Variants in SMAD2 observed in about 807,000 individuals in gnomAD.
The protein encoded by SMAD2 is SMAD family member 2.
A neutral mutation model predicts 64.4 loss-of-function variants in SMAD2; 8 were observed. The ratio of observed to expected loss-of-function variants is 0.12; its 90% CI spans 0.07 to 0.22. SMAD2 has a LOEUF of 0.22. SMAD2 is among the 10% of genes least tolerant of loss of function. The probability of loss-of-function intolerance (pLI) is 1.00; values close to 1 mark genes in which losing one functional copy is unlikely to be tolerated. For missense variants in SMAD2, 289 were observed against 561.2 expected (o/e 0.51, Z 4.90); for synonymous variants, 203 against 195.8 (o/e 1.04, Z -0.31).
chr18:47,893,838 C>T (rs2033317066), intron 2 of SMAD2, among the ~76,000 whole-genome samples: 1 of 152,122 alleles, frequency 6.6e-6, no homozygotes, highest in Non-Finnish European at 1.5e-5. Flanking sequence ...TAACAAATCT[C>T]CATTTTTGCA....
intron 7 of SMAD2, among the ~76,000 whole-genome samples, chr18:47,850,579 T>C (rs1290588920): frequency 1.3e-3 from 45 of 34,704 alleles, no homozygotes; most frequent in Middle Eastern, 0.021. Flanking sequence ...ATATTATATA[T>C]TATATATATA....
intron 2 of SMAD2, among the ~76,000 whole-genome samples, chr18:47,891,316 G>C (rs2033180057): frequency 6.6e-6 from 1 of 151,896 alleles, no homozygotes. Flanking sequence ...GTTTCTAAGA[G>C]GCAAAACAAA....
At position 47,814,126 on chromosome 18, in the gene SMAD2, G is replaced by C. The variant is rs1429347711; in HGVS notation, c.*27701C>G. On this transcript the variant is annotated 3_prime_UTR_variant, in exon 11 of 11. Transcript: ENST00000262160. Reference sequence around the variant, plus strand: ...AAGCAAGAGAGTCTGGGGCAAGAATGTCTCTATTGGGTCAAGACTTTGACA... The same window carrying C: ...AAGCAAGAGAGTCTGGGGCAAGAATCTCTCTATTGGGTCAAGACTTTGACA... 4 of 152,266 alleles carry C rather than the reference G, an allele frequency of 2.6e-5. No individual in the cohort carries two copies. The highest frequency in any genetic ancestry group is 7.2e-5 in the African/African-American group (3 of 41,556). The allele number at this position is 152,266 out of a possible 1,614,324, so 9.4% of individuals were successfully genotyped here.
At position 47,827,999 on chromosome 18, in the gene SMAD2, G is replaced by A. The variant is rs947112214; in HGVS notation, c.*13828C>T. Reference sequence around the variant, plus strand: ...CCGCCCAGTCTGGGAAGTGAGGAGCGCCTCTTCCCGGCCGCCCATCGTCTG... The same window carrying A: ...CCGCCCAGTCTGGGAAGTGAGGAGCACCTCTTCCCGGCCGCCCATCGTCTG... On this transcript the variant is annotated 3_prime_UTR_variant, in exon 11 of 11. Coordinates refer to ENST00000262160, the MANE Select transcript of SMAD2 (RefSeq NM_005901.6). 2.9e-5 allele frequency: 5 copies of A among 173,466 alleles called. No homozygotes were observed. Among genetic ancestry groups the A allele is most frequent in the South Asian group, 2.4e-4 (2 of 8,222 alleles). The allele number at this position is 173,466 out of a possible 1,614,324, so 10.7% of individuals were successfully genotyped here.
Position 47,869,423 on chromosome 18 carries a change from G to T in SMAD2, c.340C>A (p.Arg114Ser), listed in dbSNP as rs1458298591. 1 of 1,609,372 alleles carries T rather than the reference G, an allele frequency of 6.2e-7. No homozygotes were observed. The highest frequency in any genetic ancestry group is 1.1e-5 in the South Asian group (1 of 90,814). ...CCTTTTCGATGGGATACCTGGAGAC[G>T]ACCATCAAGAGACCTGTTGGGAAGC... ...FSEQTRSLDG[R>S]LQVSHRKGLP... The change falls in exon 4 of 11, where the codon CGT becomes AGT. Residue 114 changes from arginine (R) to serine (S), a missense_variant. Arg to Ser is a moderately radical substitution (Grantham distance 110). Transcript: ENST00000262160.
chr18:47,883,705 C>A (rs563840067), intron 2 of SMAD2, among the ~76,000 whole-genome samples: 1 of 152,302 alleles, frequency 6.6e-6, no homozygotes, highest in East Asian at 1.9e-4. Flanking sequence ...TATCACTTTA[C>A]AATCTTCTCT....
intron 7 of SMAD2, among the ~76,000 whole-genome samples, chr18:47,850,600 T>A (rs954827063): frequency 6.9e-4 from 42 of 61,216 alleles, no homozygotes; most frequent in Non-Finnish European, 9.3e-4. Context: ...TTATATATAT[T>A]ATGTATAATA....
chr18:47,869,932 G>A (rs1448893202), intron 3 of SMAD2, among the ~76,000 whole-genome samples: 1 of 151,898 alleles, frequency 6.6e-6, no homozygotes, highest in East Asian at 1.9e-4. Context: ...TGAGAACTGA[G>A]GTATATTTAT....
chr18:47,845,985 CAAT>C (rs772015868), intron 8 of SMAD2, among the ~76,000 whole-genome samples, 185 bp from the exon 9 acceptor site: 4 of 151,938 alleles, frequency 2.6e-5, no homozygotes, highest in South Asian at 2.1e-4. Flanking sequence ...TATTTTCTAA[CAAT>C]AATTTTATTG....
At chr18:47,845,833 A>G (rs1213050796) in intron 8 of SMAD2, 33 bp from the exon 9 acceptor site, 4 of 1,595,774 alleles carry the variant, frequency 2.5e-6, no homozygotes, top group African/African-American at 1.3e-5. Flanking sequence ...TTAGTTTTGT[A>G]ACATTTACTA....
chr18:47,874,010 C>T (rs2032107236), intron 2 of SMAD2, among the ~76,000 whole-genome samples: 1 of 152,128 alleles, frequency 6.6e-6, no homozygotes, highest in Non-Finnish European at 1.5e-5. Flanking sequence ...GTGAACTCTG[C>T]CCAAACTCAA....
rs1021890268 is a variant in SMAD2 at position 47,827,673 on chromosome 18, G to C, written c.*14154C>G. Reference sequence around the variant, plus strand: ...TTTTTGTATTTTTTGGTGGAGACGGGGTTTCGCCGTGTTGGCCAGGCTGGT... The same window carrying C: ...TTTTTGTATTTTTTGGTGGAGACGGCGTTTCGCCGTGTTGGCCAGGCTGGT... On this transcript the variant is annotated 3_prime_UTR_variant, in exon 11 of 11. Transcript: ENST00000262160. The C allele has an allele frequency of 1.3e-5, 2 of 158,298 alleles. No individual in the cohort carries two copies. Among genetic ancestry groups the C allele is most frequent in the Non-Finnish European group, 2.8e-5 (2 of 72,258 alleles). 9.8% of individuals were successfully genotyped at this position (158,298 alleles called of 1,614,324 possible). A position where few individuals can be genotyped will look rare whatever the true frequency, so the allele number is the denominator to read the frequency against.
In SMAD2 at chr18:47,838,719, T is replaced by C. The variant is rs999445058; in HGVS notation, c.*3108A>G. ...GAAACTCTTTCCAAAAGAAACCCCA[T>C]GCAGTTCTTCAGTACAGAATAAATA... On this transcript the variant is annotated 3_prime_UTR_variant, in exon 11 of 11. Coordinates refer to ENST00000262160, the MANE Select transcript of SMAD2 (RefSeq NM_005901.6). 4.3e-6 allele frequency: 1 copy of C among 232,486 alleles called. No individual in the cohort carries two copies. Among genetic ancestry groups the C allele is most frequent in the Non-Finnish European group, 8.5e-6 (1 of 117,624 alleles). The allele number at this position is 232,486 out of a possible 1,614,324, so 14.4% of individuals were successfully genotyped here. A position where few individuals can be genotyped will look rare whatever the true frequency, so the allele number is the denominator to read the frequency against.
chr18:47,871,888 C>T (rs1792685), intron 2 of SMAD2, among the ~76,000 whole-genome samples: 1 of 151,408 alleles, frequency 6.6e-6, no homozygotes, highest in East Asian at 2.0e-4. Flanking sequence ...ACTTCTGAGT[C>T]TATTAAAGAA....
Position 47,845,656 on chromosome 18 carries a change from T to A in SMAD2, c.1135+7A>T, listed in dbSNP as rs1914426483. 1 of 1,613,700 alleles carries A rather than the reference T, an allele frequency of 6.2e-7. No individual in the cohort carries two copies. The highest frequency in any genetic ancestry group is 1.3e-5 in the African/African-American group (1 of 74,916). On this transcript the variant is annotated splice_region_variant and intron_variant, in intron 9 of 10. Transcript: ENST00000262160. Reference sequence around the variant, plus strand: ...TGATAGGTTTATGTACATTATTGAATCCATACCTGGTGGAATTTTACACAC... The same window carrying A: ...TGATAGGTTTATGTACATTATTGAAACCATACCTGGTGGAATTTTACACAC...
intron 2 of SMAD2, among the ~76,000 whole-genome samples, chr18:47,886,160 T>C (rs2032890018): frequency 6.6e-6 from 1 of 152,216 alleles, no homozygotes; most frequent in Non-Finnish European, 1.5e-5. Context: ...ATTCAACTTT[T>C]TAAGTTATAC....
At chr18:47,894,994 G>A (rs975586344) in intron 2 of SMAD2, among the ~76,000 whole-genome samples, 2 of 152,072 alleles carry the variant, frequency 1.3e-5, no homozygotes, top group Non-Finnish European at 2.9e-5. Flanking sequence ...AGCCTCTATC[G>A]TCTTGCATTT....
intron 7 of SMAD2, among the ~76,000 whole-genome samples, chr18:47,850,579 T>TTA (rs377099335): frequency 2.9e-5 from 1 of 34,710 alleles, no homozygotes; most frequent in Non-Finnish European, 4.4e-5. Flanking sequence ...ATATTATATA[T>TTA]TATATATATA....
chr18:47,844,920 T>C lies in SMAD2; in HGVS notation c.1280+420A>G, dbSNP rs560440432. The C allele has an allele frequency of 2.0e-5, 6 of 301,350 alleles. No homozygotes were observed. In the South Asian group the frequency reaches 4.2e-4, roughly 21 times the overall value. 18.7% of individuals were successfully genotyped at this position (301,350 alleles called of 1,614,324 possible). A position where few individuals can be genotyped will look rare whatever the true frequency, so the allele number is the denominator to read the frequency against. On this transcript the variant is annotated intron_variant, in intron 10 of 10. Coordinates refer to ENST00000262160, the MANE Select transcript of SMAD2 (RefSeq NM_005901.6). The stretch of plus-strand genomic sequence containing the variant: ...TTATTTTTCTATTCTCCAAACTGAA[T>C]TGCTATGCTATTGTCAAGATTATCA...
Sources: gnomAD v4.1 joint callset for allele counts (sites outside exome capture counted in the v4.1 genomes callset) on GRCh38, gnomAD v4.1.1 for gene constraint, MANE v1.5 for transcripts, NCBI Gene and HGNC (gene_info 2026-07-23, HGNC 2026-07-21) for gene names.